SYN3: variants seen among roughly 807,000 people sequenced by gnomAD.
SYN3 encodes synapsin III, also known as synapsin-3.
In SYN3, 35 loss-of-function variants were observed where a neutral mutation model predicts 65.8. That is an observed-to-expected ratio of 0.53 (90% CI 0.41 to 0.70). SYN3 has a LOEUF of 0.70. SYN3 is among the 30% of genes least tolerant of loss of function. The pLI is 0.00. For missense variants in SYN3, 680 were observed against 749.0 expected (o/e 0.91, Z 1.08); for synonymous variants, 270 against 292.9 (o/e 0.92, Z 0.80).
chr22:32,916,736 G>C (rs951915994), intron 4 of SYN3, among the ~76,000 whole-genome samples: 1 of 152,178 alleles, frequency 6.6e-6, no homozygotes, highest in Non-Finnish European at 1.5e-5. Context: ...CAGGGCACAA[G>C]CATTTGCATT....
At chr22:32,580,545 C>T (rs943297168) in intron 7 of SYN3, among the ~76,000 whole-genome samples, 1 of 152,016 alleles carries the variant, frequency 6.6e-6, no homozygotes, top group African/African-American at 2.4e-5. Context: ...GGGTTTGGTA[C>T]TGTTCATGGT....
chr22:32,966,132 A>G (rs561586330), intron 3 of SYN3, among the ~76,000 whole-genome samples: 62 of 152,298 alleles, frequency 4.1e-4, no homozygotes, highest in African/African-American at 1.4e-3. Flanking sequence ...GGGCAGGTGA[A>G]TTAGTAATCT....
intron 4 of SYN3, among the ~76,000 whole-genome samples, chr22:32,897,652 C>T (rs1366068896): frequency 6.6e-6 from 1 of 152,178 alleles, no homozygotes; most frequent in Non-Finnish European, 1.5e-5. Flanking sequence ...CTTTCATGGT[C>T]TGTGACTCAG....
At chr22:32,726,490 C>T (rs981894312) in intron 6 of SYN3, among the ~76,000 whole-genome samples, 2 of 152,294 alleles carry the variant, frequency 1.3e-5, no homozygotes, top group East Asian at 1.9e-4. Context: ...ACTCTATATC[C>T]ATATGGGCTT....
chr22:32,951,343 C>T (rs2146826163), intron 3 of SYN3, among the ~76,000 whole-genome samples: 1 of 152,242 alleles, frequency 6.6e-6, no homozygotes, highest in Admixed American at 6.5e-5. Flanking sequence ...AGTGGCGCCC[C>T]CAGCTGCATC....
chr22:32,655,147 G>A (rs2060125195), intron 6 of SYN3, among the ~76,000 whole-genome samples: 2 of 152,298 alleles, frequency 1.3e-5, no homozygotes, highest in African/African-American at 4.8e-5. Flanking sequence ...AGAGCTGCTT[G>A]GCTCTTCCAT....
At chr22:32,873,901 C>T (rs1022868029) in intron 4 of SYN3, among the ~76,000 whole-genome samples, 7 of 151,786 alleles carry the variant, frequency 4.6e-5, no homozygotes, top group African/African-American at 1.7e-4. Context: ...CCAAGGTGGG[C>T]GGATCACTTA....
chr22:32,801,031 A>T lies in SYN3; in HGVS notation c.711+63884T>A, dbSNP rs2145924368. On this transcript the variant is annotated intron_variant, in intron 6 of 13. Coordinates refer to ENST00000358763, the MANE Select transcript of SYN3 (RefSeq NM_003490.4). This position sits in a 1 kb window ranked among gnomAD's most constrained non-coding sequence, Gnocchi z 4.7. The stretch of plus-strand genomic sequence containing the variant: ...CGGGGGCAAGGGCTTTGTGTTGCTT[A>T]ACCCAGCATCCTGAACCGTGTTTGT... Among the ~76,000 whole-genome samples, 1 of 152,290 alleles carries T rather than the reference A, an allele frequency of 6.6e-6. No homozygotes were observed.
At chr22:32,899,398 A>T (rs2146518264) in intron 4 of SYN3, among the ~76,000 whole-genome samples, 1 of 152,172 alleles carries the variant, frequency 6.6e-6, no homozygotes, top group East Asian at 1.9e-4. Flanking sequence ...AGGAGAAGAA[A>T]TCCTTTTGTA....
intron 7 of SYN3, among the ~76,000 whole-genome samples, chr22:32,586,360 G>A (rs1423952727): frequency 6.6e-6 from 1 of 152,112 alleles, no homozygotes; most frequent in Non-Finnish European, 1.5e-5. Context: ...TGTTATGTGT[G>A]TTTCTGCTGA....
chr22:33,056,087 A>T (rs1191402902), intron 1 of SYN3, among the ~76,000 whole-genome samples: 2 of 152,166 alleles, frequency 1.3e-5, no homozygotes, highest in Admixed American at 6.5e-5. Flanking sequence ...ATAAAATGAG[A>T]ATAAAAGTAC....
At chr22:32,527,058 T>C (rs2057990213) in intron 12 of SYN3, among the ~76,000 whole-genome samples, 1 of 152,240 alleles carries the variant, frequency 6.6e-6, no homozygotes, top group Non-Finnish European at 1.5e-5. Flanking sequence ...TTCATCTTTT[T>C]ACAATAGTTT....
At chr22:33,052,386 ATCCTCCTCCTCCTCCTCTTCTTTC>A (rs1569424674) in intron 1 of SYN3, among the ~76,000 whole-genome samples, 1 of 151,768 alleles carries the variant, frequency 6.6e-6, no homozygotes. Flanking sequence ...TCTCTAAAGA[ATCCTCCTCCTCCTCCTCTTCTTTC>A]TCCTCCTCCT....
chr22:33,046,920 C>A (rs769576786), intron 1 of SYN3, among the ~76,000 whole-genome samples: 1 of 151,364 alleles, frequency 6.6e-6, no homozygotes, highest in Admixed American at 6.6e-5. Context: ...GCTTTGGGAA[C>A]CTCTCTGAAG....
chr22:32,960,054 C>T (rs996540467), intron 3 of SYN3, among the ~76,000 whole-genome samples: 1 of 152,230 alleles, frequency 6.6e-6, no homozygotes, highest in African/African-American at 2.4e-5. Context: ...TAGAAAGCAA[C>T]AGTGTGCTGA....
chr22:32,836,606 AT>A (rs2047736284), intron 6 of SYN3, among the ~76,000 whole-genome samples: 1 of 152,168 alleles, frequency 6.6e-6, no homozygotes, highest in Admixed American at 6.5e-5. Flanking sequence ...TTGAAGACCT[AT>A]GTATGGGCTC....
intron 6 of SYN3, among the ~76,000 whole-genome samples, chr22:32,807,433 AAT>A (rs1284839519): frequency 7.7e-6 from 1 of 129,176 alleles, no homozygotes; most frequent in African/African-American, 2.9e-5. Flanking sequence ...TTATATATAT[AAT>A]ATATATATTT....
chr22:32,508,969 A>G lies in SYN3; in HGVS notation c.*4723T>C, dbSNP rs193022736. On this transcript the variant is annotated 3_prime_UTR_variant, in exon 14 of 14. Transcript: ENST00000358763. ...GACCTATCATCCCCTTAAATTTTGG[A>G]AAGATAGAATTGAGTGTTAGTTCTA... is the stretch of plus-strand genomic sequence containing the variant. Among the ~76,000 whole-genome samples, 40 of 152,306 alleles carry G rather than the reference A, an allele frequency of 2.6e-4. No homozygotes were observed. The East Asian group carries it at 6.7e-3, about 26-fold the overall frequency.
intron 3 of SYN3, among the ~76,000 whole-genome samples, chr22:32,949,047 T>A (rs2051204352): frequency 6.6e-6 from 1 of 152,094 alleles, no homozygotes; most frequent in South Asian, 2.1e-4. Context: ...CAGTTGAGCA[T>A]CTCTAATCCC....
Sources: allele counts gnomAD v4.1 joint callset (sites outside exome capture counted in the v4.1 genomes callset), GRCh38; gene constraint gnomAD v4.1.1; non-coding constraint Gnocchi (gnomAD v3.1); transcripts MANE v1.5; gene names NCBI Gene and HGNC (gene_info 2026-07-23, HGNC 2026-07-21).